Variants in AMBRA1 observed in about 807,000 individuals in gnomAD.
The protein encoded by AMBRA1 is autophagy and beclin 1 regulator 1, also known as activating molecule in BECN1-regulated autophagy protein 1.
A neutral mutation model predicts 125.4 loss-of-function variants in AMBRA1; 47 were observed. The ratio of observed to expected loss-of-function variants is 0.37; its 90% CI spans 0.30 to 0.48. The LOEUF (loss-of-function observed/expected upper bound fraction) is 0.48, where lower values mean the gene tolerates loss of function less well. Among genes scored for constraint, AMBRA1 ranks in the 20% least tolerant of loss-of-function variants. The pLI is 0.99. For synonymous variants in AMBRA1, 626 were observed against 655.5 expected, an observed-to-expected ratio of 0.95 and a Z score of 0.69; for missense variants, 1,331 against 1,693.4, an observed-to-expected ratio of 0.79 and a Z score of 3.76.
In AMBRA1 at chr11:46,435,850, A is replaced by T. The variant is rs78522042; in HGVS notation, c.2633-813T>A. Among the ~76,000 whole-genome samples the T allele has an allele frequency of 6.6e-3, 1,010 of 152,316 alleles. 5 individuals carry two copies. The highest frequency in any genetic ancestry group is 0.01 in the Non-Finnish European group (707 of 68,034). ...TCCACTCCACACAACAGCACCAATG[A>T]GATGTTAACTGGCACTGTGCCTATA... On this transcript the variant is annotated intron_variant, in intron 12 of 17. Coordinates refer to ENST00000683756, the MANE Select transcript of AMBRA1 (RefSeq NM_001387011.1).
At chr11:46,543,638 T>C (rs557840854) in intron 6 of AMBRA1, among the ~76,000 whole-genome samples, 3 of 152,248 alleles carry the variant, frequency 2.0e-5, no homozygotes, top group Admixed American at 6.5e-5. Flanking sequence ...GACAAACCAA[T>C]TGTCTTACAA....
At chr11:46,434,167 T>C (rs2136710933) in intron 13 of AMBRA1, among the ~76,000 whole-genome samples, 1 of 151,164 alleles carries the variant, frequency 6.6e-6, no homozygotes, top group Non-Finnish European at 1.5e-5. Context: ...ATGCTAACCG[T>C]TGTTATCAAC....
intron 7 of AMBRA1, among the ~76,000 whole-genome samples, chr11:46,524,933 T>C (rs370210352): frequency 1.3e-5 from 2 of 152,226 alleles, no homozygotes; most frequent in South Asian, 2.1e-4. Context: ...AATCTATGTG[T>C]TGGTCCATCC....
rs999249499 is a variant in AMBRA1 at position 46,505,666 on chromosome 11, C to T, written c.2339+2525G>A. On this transcript the variant is annotated intron_variant, in intron 9 of 17. Coordinates refer to ENST00000683756, the MANE Select transcript of AMBRA1 (RefSeq NM_001387011.1). ...AATGTAAATTCAGGTCATGCTAAAGCCAGGGGAGGGGGTGGGGGAGAGCGC... is the reference window on the plus strand; with the variant it reads ...AATGTAAATTCAGGTCATGCTAAAGTCAGGGGAGGGGGTGGGGGAGAGCGC... 2.2e-5 allele frequency among the ~76,000 whole-genome samples: 3 copies of T among 135,174 alleles called. No individual in the cohort carries two copies. In the Admixed American group the frequency reaches 2.5e-4, roughly 11 times the overall value. The allele number at this position is 135,174 out of a possible 152,430, so 88.7% of individuals were successfully genotyped here.
intron 11 of AMBRA1, among the ~76,000 whole-genome samples, chr11:46,460,448 A>C (rs1341969968): frequency 6.6e-6 from 1 of 151,974 alleles, no homozygotes; most frequent in Non-Finnish European, 1.5e-5. Flanking sequence ...CAGTCTCCCA[A>C]GTAGCTGGGA....
chr11:46,482,096 T>C (rs1217190961), intron 11 of AMBRA1, among the ~76,000 whole-genome samples: 1 of 152,222 alleles, frequency 6.6e-6, no homozygotes, highest in Admixed American at 6.5e-5. Flanking sequence ...TTGTTGTTGT[T>C]TTTGCTTAGG....
At chr11:46,498,783 A>C (rs1232213722) in intron 9 of AMBRA1, among the ~76,000 whole-genome samples, 1 of 152,228 alleles carries the variant, frequency 6.6e-6, no homozygotes, top group East Asian at 1.9e-4. Flanking sequence ...AAAGCTCAAA[A>C]GGCCACTGTC....
Position 46,400,473 on chromosome 11 carries a change from G to GTTTTTTTTTTTTTTTTTT in AMBRA1, c.3404-2548_3404-2531dup, listed in dbSNP as rs553040136. Among the ~76,000 whole-genome samples, 25 of 48,888 alleles carry GTTTTTTTTTTTTTTTTTT rather than the reference G, an allele frequency of 5.1e-4. 9 individuals are homozygous for GTTTTTTTTTTTTTTTTTT. Among genetic ancestry groups the GTTTTTTTTTTTTTTTTTT allele is most frequent in the African/African-American group, 7.1e-4 (11 of 15,488 alleles). The allele number at this position is 48,888 out of a possible 152,430, so 32.1% of individuals were successfully genotyped here. ...CCTCATGCTTCTAGTTCTTTCTATA[G>GTTTTTTTTTTTTTTTTTT]TTTTTTTTTTTTTTTTTTTTTTTTT... On this transcript the variant is annotated intron_variant, in intron 17 of 17. Transcript: ENST00000683756.
At chr11:46,569,343 T>A (rs2043664496) in intron 1 of AMBRA1, among the ~76,000 whole-genome samples, 1 of 149,798 alleles carries the variant, frequency 6.7e-6, no homozygotes, top group South Asian at 2.1e-4. Context: ...AGTTTTTGTT[T>A]CCTGTACCAA....
intron 11 of AMBRA1, among the ~76,000 whole-genome samples, chr11:46,463,928 T>C (rs1392424832): frequency 2.0e-5 from 3 of 152,216 alleles, no homozygotes; most frequent in Non-Finnish European, 2.9e-5. Context: ...TGCAAGGCTC[T>C]TGCCTTGGGG....
At position 46,516,435 on chromosome 11, in the gene AMBRA1, T is replaced by C. The variant is rs1951489549; in HGVS notation, c.2073-3622A>G. Among the ~76,000 whole-genome samples the C allele has an allele frequency of 1.4e-5, 2 of 139,846 alleles. 1 individual carries two copies. Among genetic ancestry groups the C allele is most frequent in the Non-Finnish European group, 3.1e-5 (2 of 63,896 alleles). The allele number at this position is 139,846 out of a possible 152,430, so 91.7% of individuals were successfully genotyped here. On this transcript the variant is annotated intron_variant, in intron 7 of 17. Transcript: ENST00000683756. ...AAGAAAGATCTTTCTTTTTTTTTTTTTTTTTTTTTTTTTGAGACGGTGTCT... is the reference window on the plus strand; with the variant it reads ...AAGAAAGATCTTTCTTTTTTTTTTTCTTTTTTTTTTTTTGAGACGGTGTCT...
chr11:46,561,407 G>GA (rs544380196), intron 1 of AMBRA1, among the ~76,000 whole-genome samples: 133 of 134,504 alleles, frequency 9.9e-4, no homozygotes, highest in African/African-American at 1.6e-3. Flanking sequence ...AATATTGTCA[G>GA]AAAAAAAAAA....
intron 1 of AMBRA1, among the ~76,000 whole-genome samples, chr11:46,583,650 TCCAAAAAAAA>T (rs1317106223): frequency 0.043 from 781 of 18,066 alleles, 15 homozygotes; most frequent in African/African-American, 0.063. Flanking sequence ...CAAACAAATT[TCCAAAAAAAA>T]AAAAAAAAAA....
At chr11:46,514,413 G>C (rs977600742) in intron 7 of AMBRA1, among the ~76,000 whole-genome samples, 2 of 152,126 alleles carry the variant, frequency 1.3e-5, no homozygotes, top group African/African-American at 2.4e-5. Flanking sequence ...TTAGACACTT[G>C]TAACAATCCT....
intron 17 of AMBRA1, among the ~76,000 whole-genome samples, chr11:46,399,272 C>T (rs1945602162): frequency 6.6e-6 from 1 of 152,040 alleles, no homozygotes; most frequent in African/African-American, 2.4e-5. Flanking sequence ...CGGGGTTTCA[C>T]CATGTTAGCC....
At chr11:46,408,395 A>T (rs1052452827) in intron 17 of AMBRA1, 118 bp downstream of exon 17, 1 of 1,143,288 alleles carries the variant, frequency 8.7e-7, no homozygotes, top group African/African-American at 1.6e-5. Flanking sequence ...GAGGCTCTTA[A>T]TGCCACCAGG....
intron 11 of AMBRA1, among the ~76,000 whole-genome samples, chr11:46,448,877 T>A (rs934339719): frequency 2.6e-5 from 4 of 152,170 alleles, no homozygotes; most frequent in Non-Finnish European, 5.9e-5. Flanking sequence ...AAAGACACAG[T>A]ATATTACAAT....
At chr11:46,401,261 G>GACA (rs375323283) in intron 17 of AMBRA1, among the ~76,000 whole-genome samples, 1 of 14,644 alleles carries the variant, frequency 6.8e-5, no homozygotes, top group East Asian at 0.045. Context: ...CTCTTTTCGA[G>GACA]ACAGAGTCTC....
chr11:46,404,914 G>A (rs1453066125), intron 17 of AMBRA1, among the ~76,000 whole-genome samples: 1 of 152,180 alleles, frequency 6.6e-6, no homozygotes, highest in Non-Finnish European at 1.5e-5. Context: ...TGAAACACCA[G>A]CAGACATACT....
Sources: gnomAD v4.1 joint callset for allele counts (sites outside exome capture counted in the v4.1 genomes callset) on GRCh38, gnomAD v4.1.1 for gene constraint, MANE v1.5 for transcripts, NCBI Gene and HGNC (gene_info 2026-07-23, HGNC 2026-07-21) for gene names.